The following NFIB variants were observed in gnomAD, a reference collection of about 807,000 sequenced individuals.
The protein encoded by NFIB is nuclear factor 1 B-type.
Under a neutral mutation model 61.5 loss-of-function variants are expected in NFIB, and 11 were observed. The ratio of observed to expected loss-of-function variants is 0.18; its 90% CI spans 0.11 to 0.30. The LOEUF (loss-of-function observed/expected upper bound fraction) is 0.30. Ranked by LOEUF, NFIB falls within the 10% of genes least tolerant of loss-of-function variation. The probability of loss-of-function intolerance (pLI) is 1.00; values close to 1 mark genes in which losing one functional copy is unlikely to be tolerated. For synonymous variants in NFIB, 260 were observed against 216.5 expected, an observed-to-expected ratio of 1.20 and a Z score of -1.76; for missense variants, 471 against 608.9, an observed-to-expected ratio of 0.77 and a Z score of 2.38.
At chr9:14,267,090 A>G (rs1588029466) in intron 2 of NFIB, among the ~76,000 whole-genome samples, 1 of 152,318 alleles carries the variant, frequency 6.6e-6, no homozygotes, top group Non-Finnish European at 1.5e-5. Flanking sequence ...TCATAAGATG[A>G]AAAGAGGCAT....
At chr9:14,302,634 C>T (rs1056642452) in intron 2 of NFIB, among the ~76,000 whole-genome samples, 6 of 152,172 alleles carry the variant, frequency 3.9e-5, no homozygotes, top group South Asian at 2.1e-4. Flanking sequence ...GTTACATACA[C>T]GACAACAGTT....
intron 10 of NFIB, among the ~76,000 whole-genome samples, chr9:14,097,338 T>G (rs1373717002): frequency 6.6e-6 from 1 of 152,044 alleles, no homozygotes; most frequent in Admixed American, 6.6e-5. Context: ...CCCAGAATGG[T>G]GTATAAAAAG....
chr9:14,092,516 T>C lies in NFIB; in HGVS notation c.1468-4190A>G, dbSNP rs192722058. On this transcript the variant is annotated intron_variant, in intron 10 of 10. Transcript: ENST00000380953. ...GATCTGTCTGATTTCCCTGGCCATT[T>C]CACTATATTATATTGCCTACACAGG... Among the ~76,000 whole-genome samples the C allele has an allele frequency of 2.2e-3, 340 of 152,142 alleles. 1 individual carries two copies. Among genetic ancestry groups the C allele is most frequent in the Non-Finnish European group, 4.0e-3 (271 of 67,960 alleles).
chr9:14,085,750 A>G lies in NFIB; in HGVS notation c.*2559T>C. On this transcript the variant is annotated 3_prime_UTR_variant, in exon 11 of 11. Coordinates refer to ENST00000380953, the MANE Select transcript of NFIB (RefSeq NM_001190737.2). ...CATTTGAAGTAGTAAGTCACAGGTAAATCATATCCTATCATTAATGAAATG... is the reference window on the plus strand; with the variant it reads ...CATTTGAAGTAGTAAGTCACAGGTAGATCATATCCTATCATTAATGAAATG... The G allele has an allele frequency of 9.1e-6, 2 of 219,532 alleles. No individual in the cohort carries two copies. Among genetic ancestry groups the G allele is most frequent in the Non-Finnish European group, 9.1e-6 (1 of 109,536 alleles). 13.6% of individuals were successfully genotyped at this position (219,532 alleles called of 1,614,324 possible).
chr9:14,086,472 G>A lies in NFIB; in HGVS notation c.*1837C>T, dbSNP rs1229023176. 1.9e-5 allele frequency: 4 copies of A among 212,018 alleles called. No individual in the cohort carries two copies. Among genetic ancestry groups the A allele is most frequent in the Non-Finnish European group, 3.8e-5 (4 of 104,952 alleles). 13.1% of individuals were successfully genotyped at this position (212,018 alleles called of 1,614,324 possible). On this transcript the variant is annotated 3_prime_UTR_variant, in exon 11 of 11. Coordinates refer to ENST00000380953, the MANE Select transcript of NFIB (RefSeq NM_001190737.2). ...GGCAAAACTTGGTATTGCATAATTC[G>A]TATAAATTTGAAACCCCTCCCCCCC...
At chr9:14,190,487 T>C (rs1236053371) in intron 2 of NFIB, among the ~76,000 whole-genome samples, 1 of 152,198 alleles carries the variant, frequency 6.6e-6, no homozygotes, top group African/African-American at 2.4e-5. Context: ...GATAATAGTA[T>C]TAAATGTCCT....
At chr9:14,365,910 A>T (rs971178262) in intron 1 of NFIB, among the ~76,000 whole-genome samples, 4 of 152,218 alleles carry the variant, frequency 2.6e-5, no homozygotes, top group African/African-American at 9.7e-5. Flanking sequence ...AACTCCTTCC[A>T]TGCCAGTCAC....
chr9:14,175,167 CTTTTTT>C (rs55765054), intron 3 of NFIB, among the ~76,000 whole-genome samples: 10 of 126,034 alleles, frequency 7.9e-5, no homozygotes, highest in African/African-American at 3.3e-4. Flanking sequence ...TAAAGAATTT[CTTTTTT>C]TTTTTTTTTT....
intron 10 of NFIB, among the ~76,000 whole-genome samples, chr9:14,092,614 A>G (rs531407472): frequency 6.6e-6 from 1 of 152,226 alleles, no homozygotes; most frequent in East Asian, 1.9e-4. Flanking sequence ...TGGCTTCAGG[A>G]GACAGTGAAC....
chr9:14,373,641 A>AGTGTGTGTGT (rs56764067), intron 1 of NFIB, among the ~76,000 whole-genome samples: 2 of 143,148 alleles, frequency 1.4e-5, no homozygotes, highest in East Asian at 4.3e-4. Flanking sequence ...TGTCCACATG[A>AGTGTGTGTGT]GTGTGTGTGT....
chr9:14,190,952 G>T (rs947647130), intron 2 of NFIB, among the ~76,000 whole-genome samples: 3 of 152,152 alleles, frequency 2.0e-5, no homozygotes, highest in Non-Finnish European at 4.4e-5. Context: ...CAACACTATG[G>T]GAGGCTGAGG....
intron 3 of NFIB, among the ~76,000 whole-genome samples, chr9:14,162,190 T>C (rs78018366): frequency 0.051 from 7,694 of 152,126 alleles, 551 homozygotes; most frequent in African/African-American, 0.16. Flanking sequence ...TTTCCTAATA[T>C]CAATGAGATT....
At chr9:14,204,067 T>C (rs2049351744) in intron 2 of NFIB, among the ~76,000 whole-genome samples, 2 of 152,334 alleles carry the variant, frequency 1.3e-5, no homozygotes, top group South Asian at 2.1e-4. Context: ...TATCAAAGCA[T>C]ACGTGTATGA....
At chr9:14,231,120 G>GAAAA (rs1188458970) in intron 2 of NFIB, among the ~76,000 whole-genome samples, 12 of 65,790 alleles carry the variant, frequency 1.8e-4, no homozygotes, top group South Asian at 7.0e-4. Context: ...TTTCCATGGG[G>GAAAA]AAAAAAAAAA....
At chr9:14,531,552 G>C in the NFIB span, among the ~76,000 whole-genome samples, 1 of 152,116 alleles carries the variant, frequency 6.6e-6, no homozygotes, top group South Asian at 2.1e-4. Context: ...GCTGCAGAAA[G>C]AAGTACATTA....
Position 14,125,721 on chromosome 9 carries a change from A to T in NFIB, c.971T>A (p.Phe324Tyr). 1.2e-6 allele frequency: 2 copies of T among 1,614,160 alleles called. No homozygotes were observed. The highest frequency in any genetic ancestry group is 1.7e-6 in the Non-Finnish European group (2 of 1,179,994). Residue 324 changes from phenylalanine to tyrosine, a missense_variant, in exon 7 of 11, where the codon TTC becomes TAC. Physicochemically the swap from Phe to Tyr is conservative, Grantham distance 22. Transcript: ENST00000380953. ...TTMKKPEKPLFSSASPQDSSP... is the reference protein window; with the variant it reads ...TTMKKPEKPLYSSASPQDSSP... ...AGAATCCTGTGGAGATGCAGAGCTG[A>T]ACAATGGCTTTTCAGGCTTCTTCAT...
At chr9:14,323,214 C>A (rs757459139) in intron 1 of NFIB, among the ~76,000 whole-genome samples, 1 of 152,064 alleles carries the variant, frequency 6.6e-6, no homozygotes, top group Non-Finnish European at 1.5e-5. Context: ...AAAAATAGAT[C>A]AGTAATTTAG....
At chr9:14,506,442 A>G in the NFIB span, among the ~76,000 whole-genome samples, 1 of 152,202 alleles carries the variant, frequency 6.6e-6, no homozygotes, top group African/African-American at 2.4e-5. Flanking sequence ...ACGAGGTTTC[A>G]CTGTCCTGTT....
chr9:14,459,256 A>G, the NFIB span, among the ~76,000 whole-genome samples: 1 of 152,244 alleles, frequency 6.6e-6, no homozygotes, highest in Admixed American at 6.5e-5. Context: ...GCCAAAAACA[A>G]GAAATGGGGA....
Sources: allele counts gnomAD v4.1 joint callset (sites outside exome capture counted in the v4.1 genomes callset), GRCh38; gene constraint gnomAD v4.1.1; transcripts MANE v1.5; gene names NCBI Gene and HGNC (gene_info 2026-07-23, HGNC 2026-07-21).